NALF1: variants seen among roughly 807,000 people sequenced by gnomAD.
The protein encoded by NALF1 is family with sequence similarity 155 member A.
In NALF1, 3 loss-of-function variants were observed where a neutral mutation model predicts 48.4. That is an observed-to-expected ratio of 0.06 (90% CI 0.03 to 0.16). The LOEUF (loss-of-function observed/expected upper bound fraction) is 0.16. Ranked by LOEUF, NALF1 falls within the 10% of genes least tolerant of loss-of-function variation. The probability of loss-of-function intolerance (pLI) is 1.00; values close to 1 mark genes in which losing one functional copy is unlikely to be tolerated. For missense variants in NALF1, 526 were observed against 571.5 expected, an observed-to-expected ratio of 0.92 and a Z score of 0.81; for synonymous variants, 262 against 245.7, an observed-to-expected ratio of 1.07 and a Z score of -0.62.
intron 1 of NALF1, among the ~76,000 whole-genome samples, chr13:107,552,423 T>C (rs971725789): frequency 1.3e-5 from 2 of 152,168 alleles, no homozygotes; most frequent in Non-Finnish European, 2.9e-5. Context: ...AATTAGATAA[T>C]ATTAGGAAAA....
At chr13:107,648,889 G>A (rs536784092) in intron 1 of NALF1, among the ~76,000 whole-genome samples, 164 of 152,184 alleles carry the variant, frequency 1.1e-3, no homozygotes, top group African/African-American at 3.4e-3. Context: ...TAGGTGTGTG[G>A]TGGTATCTCA....
chr13:107,221,134 A>G (rs1879983357), intron 1 of NALF1, among the ~76,000 whole-genome samples: 1 of 151,952 alleles, frequency 6.6e-6, no homozygotes, highest in South Asian at 2.1e-4. Flanking sequence ...AGAATGGGGG[A>G]GTTTGTGAAG....
chr13:107,376,169 G>A (rs971675317), intron 1 of NALF1, among the ~76,000 whole-genome samples: 8 of 152,104 alleles, frequency 5.3e-5, no homozygotes, highest in South Asian at 4.1e-4. Flanking sequence ...AGAACTTTGC[G>A]CGCCCTTTCC....
rs1472691687 is a variant in NALF1 at position 107,165,575 on chromosome 13, T to C, written c.*4922A>G. ...ATAGTTCATATTTTGTTTCATGCCTTAAGTTTTATTCCAAGGCTAAGAAGA... is the reference window on the plus strand; with the variant it reads ...ATAGTTCATATTTTGTTTCATGCCTCAAGTTTTATTCCAAGGCTAAGAAGA... On this transcript the variant is annotated 3_prime_UTR_variant, in exon 3 of 3. Coordinates refer to ENST00000375915, the MANE Select transcript of NALF1 (RefSeq NM_001080396.3). The C allele has an allele frequency of 1.3e-5, 2 of 152,214 alleles. No homozygotes were observed. Among genetic ancestry groups the C allele is most frequent in the Admixed American group, 6.5e-5 (1 of 15,280 alleles). The allele number at this position is 152,214 out of a possible 1,614,324, so 9.4% of individuals were successfully genotyped here.
At position 107,796,582 on chromosome 13, in the gene NALF1, G is replaced by C. The variant is rs577447411; in HGVS notation, c.915+69100C>G. ...TCTTCCAACAGTTATTAATAAGTCT[G>C]AAAGTACTACTCTCGCTGCTTTATT... On this transcript the variant is annotated intron_variant, in intron 1 of 2. Coordinates refer to ENST00000375915, the MANE Select transcript of NALF1 (RefSeq NM_001080396.3). Among the ~76,000 whole-genome samples, 96 of 152,224 alleles carry C rather than the reference G, an allele frequency of 6.3e-4. 1 individual carries two copies. Among genetic ancestry groups the C allele is most frequent in the African/African-American group, 2.2e-3 (93 of 41,526 alleles).
intron 1 of NALF1, among the ~76,000 whole-genome samples, chr13:107,341,855 C>T (rs542190643): frequency 2.0e-5 from 3 of 150,102 alleles, no homozygotes; most frequent in South Asian, 2.1e-4. Flanking sequence ...TACAGACACA[C>T]AGATAAACTA....
rs573459102 is a variant in NALF1 at position 107,569,273 on chromosome 13, T to C, written c.915+296409A>G. On this transcript the variant is annotated intron_variant, in intron 1 of 2. Coordinates refer to ENST00000375915, the MANE Select transcript of NALF1 (RefSeq NM_001080396.3). ...TCACGAGGTCAGGAGATTGAGACCA[T>C]CCTGGCCAACACGGTGAAACCCCGT... is the stretch of plus-strand genomic sequence containing the variant. 2.0e-5 allele frequency among the ~76,000 whole-genome samples: 3 copies of C among 152,002 alleles called. No homozygotes were observed. The East Asian group carries it at 5.8e-4, about 30-fold the overall frequency.
chr13:107,359,959 C>T (rs1883032601), intron 1 of NALF1, among the ~76,000 whole-genome samples: 1 of 152,084 alleles, frequency 6.6e-6, no homozygotes, highest in African/African-American at 2.4e-5. Flanking sequence ...ATCATTTTTA[C>T]TATGGGCACA....
chr13:107,546,680 C>A, intron 1 of NALF1, among the ~76,000 whole-genome samples: 1 of 152,088 alleles, frequency 6.6e-6, no homozygotes. Flanking sequence ...AGCTTTCCAT[C>A]TATGCCTAAA....
At chr13:107,815,681 T>C (rs1879143009) in intron 1 of NALF1, among the ~76,000 whole-genome samples, 1 of 152,150 alleles carries the variant, frequency 6.6e-6, no homozygotes, top group Non-Finnish European at 1.5e-5. Context: ...CAAAAACCTG[T>C]TCTTGGATAT....
intron 1 of NALF1, among the ~76,000 whole-genome samples, chr13:107,290,030 A>C (rs1881582871): frequency 6.6e-6 from 1 of 152,106 alleles, no homozygotes; most frequent in Admixed American, 6.5e-5. Flanking sequence ...TTCTGATAGG[A>C]TAATGGCAAA....
intron 1 of NALF1, among the ~76,000 whole-genome samples, chr13:107,281,827 T>C (rs2138873349): frequency 6.6e-6 from 1 of 152,206 alleles, no homozygotes; most frequent in South Asian, 2.1e-4. Flanking sequence ...GGAAGGACAA[T>C]GAATGGAGGA....
At chr13:107,717,717 G>T (rs1161390171) in intron 1 of NALF1, among the ~76,000 whole-genome samples, 1 of 152,120 alleles carries the variant, frequency 6.6e-6, no homozygotes, top group Non-Finnish European at 1.5e-5. Context: ...CAGGAGTGGG[G>T]AAAGTAAGGC....
chr13:107,823,708 C>G (rs1356509274), intron 1 of NALF1, among the ~76,000 whole-genome samples: 2 of 152,162 alleles, frequency 1.3e-5, no homozygotes, highest in Non-Finnish European at 2.9e-5. Context: ...ATGCTCCTCT[C>G]TTGACACAAT....
At chr13:107,181,503 T>A (rs1246574837) in intron 2 of NALF1, among the ~76,000 whole-genome samples, 1 of 151,854 alleles carries the variant, frequency 6.6e-6, no homozygotes, top group Admixed American at 6.5e-5. Context: ...TTTTGTTTGA[T>A]ACATTTTATA....
chr13:107,801,827 G>A (rs918800367), intron 1 of NALF1, among the ~76,000 whole-genome samples: 5 of 151,814 alleles, frequency 3.3e-5, no homozygotes, highest in African/African-American at 7.3e-5. Flanking sequence ...CTTCCGAGTC[G>A]CCTTCTTCCT....
At chr13:107,855,157 G>A (rs1038997065) in intron 1 of NALF1, among the ~76,000 whole-genome samples, 2 of 152,124 alleles carry the variant, frequency 1.3e-5, no homozygotes, top group Non-Finnish European at 1.5e-5. Flanking sequence ...GTATCTCTGG[G>A]TGCTGCCTTA....
At chr13:107,808,901 C>A (rs1429927461) in intron 1 of NALF1, among the ~76,000 whole-genome samples, 1 of 152,036 alleles carries the variant, frequency 6.6e-6, no homozygotes, top group Non-Finnish European at 1.5e-5. Context: ...ACCACTGTCA[C>A]TCCTGGAAAT....
intron 1 of NALF1, among the ~76,000 whole-genome samples, chr13:107,428,133 G>A (rs1199519892): frequency 2.0e-5 from 3 of 152,160 alleles, no homozygotes; most frequent in Non-Finnish European, 4.4e-5. Flanking sequence ...TAATAAAACA[G>A]AGCTGCCTCT....
Sources: gnomAD v4.1 joint callset for allele counts (sites outside exome capture counted in the v4.1 genomes callset) on GRCh38, gnomAD v4.1.1 for gene constraint, MANE v1.5 for transcripts, NCBI Gene and HGNC (gene_info 2026-07-23, HGNC 2026-07-21) for gene names.